The following DLG2 variants were observed in gnomAD, a reference collection of about 807,000 sequenced individuals.
The protein encoded by DLG2 is discs large MAGUK scaffold protein 2.
A neutral mutation model predicts 132.5 loss-of-function variants in DLG2; 45 were observed. The ratio of observed to expected loss-of-function variants is 0.34; its 90% CI spans 0.27 to 0.44. DLG2 has a LOEUF of 0.44. Among genes scored for constraint, DLG2 ranks in the 20% least tolerant of loss-of-function variants. The probability of loss-of-function intolerance (pLI) is 1.00; values close to 1 mark genes in which losing one functional copy is unlikely to be tolerated. For missense variants in DLG2, 1,045 were observed against 1,196.9 expected (o/e 0.87, Z 1.87); for synonymous variants, 424 against 419.6 (o/e 1.01, Z -0.13).
intron 18 of DLG2, among the ~76,000 whole-genome samples, chr11:83,708,781 C>T (rs917290658): frequency 3.9e-5 from 6 of 151,914 alleles, no homozygotes; most frequent in Admixed American, 3.3e-4. Context: ...GGATATGGAA[C>T]CCAGATACTA....
chr11:85,022,483 A>G (rs1376544091), intron 6 of DLG2, among the ~76,000 whole-genome samples: 1 of 152,106 alleles, frequency 6.6e-6, no homozygotes, highest in Non-Finnish European at 1.5e-5. Flanking sequence ...TTACCTATAA[A>G]CATAAACTAG....
chr11:84,734,446 A>G lies in DLG2; in HGVS notation c.358-199715T>C, dbSNP rs554036611. On this transcript the variant is annotated intron_variant, in intron 6 of 27. Coordinates refer to ENST00000376104, the MANE Select transcript of DLG2 (RefSeq NM_001142699.3). ...CAATTTGGCTCTCTGTTTGTCTGTTATTGGTGTATAAGAATGCTTGTGATT... is the reference window on the plus strand; with the variant it reads ...CAATTTGGCTCTCTGTTTGTCTGTTGTTGGTGTATAAGAATGCTTGTGATT... Among the ~76,000 whole-genome samples, 180 of 152,108 alleles carry G rather than the reference A, an allele frequency of 1.2e-3. 1 individual carries two copies. The highest frequency in any genetic ancestry group is 1.9e-3 in the Non-Finnish European group (129 of 67,986).
chr11:84,056,578 T>C (rs1191919666), intron 11 of DLG2, among the ~76,000 whole-genome samples: 1 of 152,128 alleles, frequency 6.6e-6, no homozygotes, highest in Non-Finnish European at 1.5e-5. Context: ...GTTTCCACTG[T>C]ATGAGTTAAA....
intron 7 of DLG2, among the ~76,000 whole-genome samples, chr11:84,390,530 A>C (rs945228302): frequency 1.3e-5 from 2 of 152,112 alleles, no homozygotes; most frequent in African/African-American, 4.8e-5. Flanking sequence ...GTCAGGAAAA[A>C]CTGTATGAGT....
At chr11:85,233,375 T>C (rs1048009781) in intron 4 of DLG2, among the ~76,000 whole-genome samples, 1 of 151,972 alleles carries the variant, frequency 6.6e-6, no homozygotes, top group Non-Finnish European at 1.5e-5. Flanking sequence ...TGTAATGTTA[T>C]ATTACCTGTG....
chr11:85,109,371 C>A (rs1352456636), intron 6 of DLG2, among the ~76,000 whole-genome samples: 1 of 152,062 alleles, frequency 6.6e-6, no homozygotes, highest in Non-Finnish European at 1.5e-5. Context: ...GACCACAGCA[C>A]TGAGAATAAG....
At chr11:84,094,352 A>C (rs1265260650) in intron 10 of DLG2, among the ~76,000 whole-genome samples, 1 of 152,134 alleles carries the variant, frequency 6.6e-6, no homozygotes, top group Non-Finnish European at 1.5e-5. Context: ...TATTAGGATT[A>C]TTATTATTGA....
At chr11:84,130,833 G>T (rs1051694250) in intron 9 of DLG2, among the ~76,000 whole-genome samples, 3 of 151,408 alleles carry the variant, frequency 2.0e-5, no homozygotes, top group Non-Finnish European at 2.9e-5. Flanking sequence ...TCTTCAGTTT[G>T]CTTTTAGAGA....
At chr11:85,221,789 A>G (rs1273865759) in intron 4 of DLG2, among the ~76,000 whole-genome samples, 1 of 152,206 alleles carries the variant, frequency 6.6e-6, no homozygotes, top group East Asian at 1.9e-4. Flanking sequence ...AAGATTCAAG[A>G]CCATTTGTGC....
At chr11:85,511,317 A>G (rs900623936) in intron 3 of DLG2, among the ~76,000 whole-genome samples, 2 of 152,080 alleles carry the variant, frequency 1.3e-5, no homozygotes, top group Admixed American at 1.3e-4. Flanking sequence ...GCACATGTAT[A>G]CACATGTAAC....
At position 85,073,013 on chromosome 11, in the gene DLG2, G is replaced by T. The variant is rs575831945; in HGVS notation, c.357+38648C>A. 1.4e-3 allele frequency among the ~76,000 whole-genome samples: 208 copies of T among 151,820 alleles called. 1 individual carries two copies. Among genetic ancestry groups the T allele is most frequent in the Middle Eastern group, 6.8e-3 (2 of 294 alleles). On this transcript the variant is annotated intron_variant, in intron 6 of 27. Transcript: ENST00000376104. ...TAAGAGCTTTTATGTGGAATGACAA[G>T]GTATTTATTAGATACTAGTATTTGT... is the stretch of plus-strand genomic sequence containing the variant.
intron 11 of DLG2, among the ~76,000 whole-genome samples, chr11:84,018,555 G>A (rs937896535): frequency 1.4e-4 from 22 of 151,904 alleles, no homozygotes; most frequent in African/African-American, 5.1e-4. Context: ...AAAAAAGGGT[G>A]AAAATAATAT....
intron 3 of DLG2, among the ~76,000 whole-genome samples, chr11:85,507,579 A>C (rs2093963999): frequency 6.6e-6 from 1 of 152,220 alleles, no homozygotes; most frequent in Non-Finnish European, 1.5e-5. Flanking sequence ...CCGAGAGATC[A>C]GCTGTTAGTC....
At chr11:84,908,116 C>T (rs1457999997) in intron 6 of DLG2, among the ~76,000 whole-genome samples, 2 of 151,908 alleles carry the variant, frequency 1.3e-5, no homozygotes, top group African/African-American at 2.4e-5. Context: ...GCCTCCACAA[C>T]AGCAATGTCT....
intron 11 of DLG2, among the ~76,000 whole-genome samples, chr11:84,038,757 T>C (rs979768027): frequency 1.3e-5 from 2 of 152,074 alleles, no homozygotes; most frequent in Admixed American, 1.3e-4. Flanking sequence ...AAAAGTTTAA[T>C]TGACTCTCAG....
At chr11:84,518,477 T>C (rs1469519901) in intron 7 of DLG2, among the ~76,000 whole-genome samples, 1 of 152,026 alleles carries the variant, frequency 6.6e-6, no homozygotes, top group African/African-American at 2.4e-5. Context: ...AATATAAACA[T>C]TTCCCAGGGC....
intron 7 of DLG2, among the ~76,000 whole-genome samples, chr11:84,299,022 G>A (rs895835410): frequency 2.0e-5 from 3 of 152,050 alleles, no homozygotes; most frequent in Non-Finnish European, 2.9e-5. Flanking sequence ...AAACGTTCAC[G>A]AAAAAGGGAT....
In DLG2 at chr11:85,449,949, GA is replaced by G. The variant is rs1253986459; in HGVS notation, c.40+148707del. 3.3e-5 allele frequency among the ~76,000 whole-genome samples: 5 copies of G among 152,168 alleles called. No individual in the cohort carries two copies. The East Asian group carries it at 9.7e-4, about 29-fold the overall frequency. On this transcript the variant is annotated intron_variant, in intron 3 of 27. Transcript: ENST00000376104. ...TCGAGACCAGCCTGACCAACATGGA[GA>G]AATCCTGTCTCTATTAAAAATACAA... is the stretch of plus-strand genomic sequence containing the variant.
intron 6 of DLG2, among the ~76,000 whole-genome samples, chr11:84,602,410 A>T (rs1157755094): frequency 1.3e-5 from 2 of 152,008 alleles, no homozygotes; most frequent in Non-Finnish European, 2.9e-5. Flanking sequence ...AATTATATTA[A>T]ATAATGAAAA....
Sources: gnomAD v4.1 joint callset for allele counts (sites outside exome capture counted in the v4.1 genomes callset) on GRCh38, gnomAD v4.1.1 for gene constraint, MANE v1.5 for transcripts, NCBI Gene and HGNC (gene_info 2026-07-23, HGNC 2026-07-21) for gene names.